MND1: variants seen among roughly 807,000 people sequenced by gnomAD.
MND1 encodes the protein meiotic nuclear division protein 1 homolog.
MND1 carries 28 observed loss-of-function variants against 35.1 expected under a neutral mutation model. The ratio of observed to expected loss-of-function variants is 0.80; its 90% CI spans 0.59 to 1.09. The LOEUF (loss-of-function observed/expected upper bound fraction) is 1.09. Among genes scored for constraint, MND1 ranks in the 50% least tolerant of loss-of-function variants. The pLI is 0.00. For missense variants in MND1, 213 were observed against 239.6 expected (o/e 0.89, Z 0.73); for synonymous variants, 69 against 70.5 (o/e 0.98, Z 0.11).
chr4:153,395,144 T>G (rs1729163533), intron 5 of MND1, among the ~76,000 whole-genome samples: 1 of 152,184 alleles, frequency 6.6e-6, no homozygotes, highest in South Asian at 2.1e-4. Flanking sequence ...ATCAGCACAG[T>G]CACAGATAGG....
intron 4 of MND1, among the ~76,000 whole-genome samples, chr4:153,393,503 C>T (rs1434008902): frequency 6.6e-6 from 1 of 151,736 alleles, no homozygotes; most frequent in Non-Finnish European, 1.5e-5. Context: ...CTCAGCTTCC[C>T]GAGTAGCTGG....
At chr4:153,376,994 G>A (rs1317509528) in intron 4 of MND1, among the ~76,000 whole-genome samples, 1 of 152,172 alleles carries the variant, frequency 6.6e-6, no homozygotes, top group Non-Finnish European at 1.5e-5. Flanking sequence ...TAATATGGCA[G>A]CAAGTCTATG....
chr4:153,367,135 T>G (rs1426437861), intron 4 of MND1, among the ~76,000 whole-genome samples: 1 of 152,214 alleles, frequency 6.6e-6, no homozygotes, highest in Non-Finnish European at 1.5e-5. Flanking sequence ...TTCAACAGCC[T>G]TGCTGAGATA....
At chr4:153,375,382 A>G (rs1728474193) in intron 4 of MND1, among the ~76,000 whole-genome samples, 1 of 152,118 alleles carries the variant, frequency 6.6e-6, no homozygotes, top group African/African-American at 2.4e-5. Flanking sequence ...GCACTAAGAG[A>G]TTGAATAATT....
intron 1 of MND1, chr4:153,345,364 T>G: frequency 1.0e-6 from 1 of 985,496 alleles, no homozygotes; most frequent in Non-Finnish European, 1.2e-6. Flanking sequence ...TCGATTTCTG[T>G]GAAAACGCCC....
At chr4:153,380,266 C>T (rs1728637320) in intron 4 of MND1, among the ~76,000 whole-genome samples, 1 of 152,106 alleles carries the variant, frequency 6.6e-6, no homozygotes, top group African/African-American at 2.4e-5. Flanking sequence ...TGGTTAATCC[C>T]ACCACACATT....
chr4:153,379,765 G>T (rs565765948), intron 4 of MND1, among the ~76,000 whole-genome samples: 2 of 147,014 alleles, frequency 1.4e-5, no homozygotes, highest in East Asian at 2.0e-4. Flanking sequence ...CAGGAGAATC[G>T]CTTGAACCCG....
chr4:153,403,601 T>C (rs1297287818), intron 6 of MND1, among the ~76,000 whole-genome samples: 1 of 152,126 alleles, frequency 6.6e-6, no homozygotes, highest in African/African-American at 2.4e-5. Flanking sequence ...GAATCTGCTT[T>C]CTAGGGTTGC....
In MND1 at chr4:153,367,109, C is replaced by T. The variant is rs183456697; in HGVS notation, c.276+8487C>T. On this transcript the variant is annotated intron_variant, in intron 4 of 7. Transcript: ENST00000240488. ...GGGCAGATATTCTAAAAGTGCTCAC[C>T]TTATCTCTCTTTTTTTTCAACAGCC... Among the ~76,000 whole-genome samples, 793 of 152,234 alleles carry T rather than the reference C, an allele frequency of 5.2e-3. 6 individuals are homozygous for T. The highest frequency in any genetic ancestry group is 0.018 in the African/African-American group (742 of 41,530).
intron 4 of MND1, 79 bp from the exon 5 acceptor site, chr4:153,394,183 C>A: frequency 7.5e-7 from 1 of 1,333,592 alleles, no homozygotes; most frequent in Non-Finnish European, 1.1e-6. Flanking sequence ...AGCCACTGCA[C>A]CTGGTGGACT....
At chr4:153,356,552 CAAA>C (rs34763120) in intron 3 of MND1, among the ~76,000 whole-genome samples, 5 of 60,044 alleles carry the variant, frequency 8.3e-5, no homozygotes, top group Non-Finnish European at 1.1e-4. Context: ...AACTCAGTCT[CAAA>C]AAAAAAAAAA....
intron 6 of MND1, among the ~76,000 whole-genome samples, chr4:153,407,976 A>G (rs550067811): frequency 6.6e-6 from 1 of 152,146 alleles, no homozygotes; most frequent in Non-Finnish European, 1.5e-5. Flanking sequence ...TTTTGTGACT[A>G]TCATAAAAAC....
At chr4:153,384,860 A>G (rs1439298383) in intron 4 of MND1, among the ~76,000 whole-genome samples, 1 of 152,100 alleles carries the variant, frequency 6.6e-6, no homozygotes, top group Non-Finnish European at 1.5e-5. Flanking sequence ...CAGGTTCTTA[A>G]TGTGTTCCTC....
chr4:153,393,062 G>A (rs570481066), intron 4 of MND1, among the ~76,000 whole-genome samples: 1 of 152,182 alleles, frequency 6.6e-6, no homozygotes, highest in South Asian at 2.1e-4. Flanking sequence ...AAAGTTGTAG[G>A]GAGTCATGAT....
intron 7 of MND1, among the ~76,000 whole-genome samples, chr4:153,412,544 G>A (rs112554185): frequency 0.088 from 13,189 of 149,712 alleles, 705 homozygotes; most frequent in Non-Finnish European, 0.12. Context: ...GTGCAGTGGT[G>A]CAATCTCAGC....
At chr4:153,347,770 A>AT (rs1412326506) in intron 1 of MND1, among the ~76,000 whole-genome samples, 1 of 151,962 alleles carries the variant, frequency 6.6e-6, no homozygotes, top group Non-Finnish European at 1.5e-5. Context: ...GTGGAGGAAC[A>AT]TTTTTTTTAA....
chr4:153,360,179 G>A (rs757154792), intron 4 of MND1, among the ~76,000 whole-genome samples: 4 of 152,030 alleles, frequency 2.6e-5, no homozygotes, highest in African/African-American at 7.2e-5. Flanking sequence ...TTGTTTTCTC[G>A]TTATTGAGTT....
chr4:153,381,686 ATATATATTTTTTTTT>A (rs1338265988), intron 4 of MND1: 2 of 22,518 alleles, frequency 8.9e-5, no homozygotes, highest in South Asian at 1.4e-3. Flanking sequence ...ATATATATAT[ATATATATTTTTTTTT>A]TTTTTTTTTT....
chr4:153,363,629 G>A (rs1773554052), intron 4 of MND1, among the ~76,000 whole-genome samples: 1 of 152,148 alleles, frequency 6.6e-6, no homozygotes, highest in African/African-American at 2.4e-5. Flanking sequence ...AGTTGTAGGA[G>A]GACAGTGGGA....
Sources: allele counts gnomAD v4.1 joint callset (sites outside exome capture counted in the v4.1 genomes callset), GRCh38; gene constraint gnomAD v4.1.1; transcripts MANE v1.5; gene names NCBI Gene and HGNC (gene_info 2026-07-23, HGNC 2026-07-21).